DNAH7: variants seen among roughly 807,000 people sequenced by gnomAD.
The protein encoded by DNAH7 is axonemal beta dynein heavy chain 7.
DNAH7 carries 397 observed loss-of-function variants against 444.6 expected under a neutral mutation model. The ratio of observed to expected loss-of-function variants is 0.89; its 90% CI spans 0.82 to 0.97. The LOEUF (loss-of-function observed/expected upper bound fraction) is 0.97, where lower values mean the gene tolerates loss of function less well. DNAH7 is among the 50% of genes least tolerant of loss of function. DNAH7 has a pLI of 0.00. For synonymous variants in DNAH7, 1,636 were observed against 1,624.4 expected (o/e 1.01, Z -0.17); for missense variants, 4,902 against 4,800.8 (o/e 1.02, Z -0.62).
intron 10 of DNAH7, 78 bp downstream of exon 10, chr2:196,012,709 T>C: frequency 6.9e-7 from 1 of 1,448,596 alleles, no homozygotes; most frequent in South Asian, 1.3e-5. Flanking sequence ...TTGGATCTTC[T>C]AAAAGCAGTT....
chr2:195,980,910 G>A (rs1429032342), intron 15 of DNAH7, among the ~76,000 whole-genome samples: 1 of 151,884 alleles, frequency 6.6e-6, no homozygotes, highest in African/African-American at 2.4e-5. Flanking sequence ...GGGAAAAACT[G>A]AAAGCCTTTC....
chr2:195,858,913 G>T, intron 42 of DNAH7, 109 bp from the exon 43 acceptor site: 2 of 868,712 alleles, frequency 2.3e-6, no homozygotes, highest in Non-Finnish European at 1.8e-6. Context: ...CATAACTACG[G>T]AGTGGTCTAA....
At chr2:195,936,413 C>T (rs888768356) in intron 20 of DNAH7, among the ~76,000 whole-genome samples, 186 bp downstream of exon 20, 4 of 151,896 alleles carry the variant, frequency 2.6e-5, no homozygotes, top group South Asian at 2.1e-4. Context: ...AACGATTCCA[C>T]GGTTCATTCA....
Position 195,957,215 on chromosome 2 carries a change from G to A in DNAH7, c.3078+46C>T, listed in dbSNP as rs757094830. On this transcript the variant is annotated intron_variant, in intron 19 of 64. Coordinates refer to ENST00000312428, the MANE Select transcript of DNAH7 (RefSeq NM_018897.3). ...ATGGATTTCTGAAAACAAAAATCAT[G>A]TCACTTCAACCAAATAATGACATTT... The A allele has an allele frequency of 1.7e-5, 24 of 1,404,070 alleles. No individual in the cohort carries two copies. The East Asian group carries it at 5.9e-4, about 34-fold the overall frequency. 87.0% of individuals were successfully genotyped at this position (1,404,070 alleles called of 1,614,324 possible). A position where few individuals can be genotyped will look rare whatever the true frequency, so the allele number is the denominator to read the frequency against.
At chr2:196,034,218 T>C (rs1696240426) in intron 5 of DNAH7, among the ~76,000 whole-genome samples, 1 of 151,986 alleles carries the variant, frequency 6.6e-6, no homozygotes, top group Non-Finnish European at 1.5e-5. Context: ...AAACATAAGG[T>C]CAACAAGCAA....
intron 19 of DNAH7, among the ~76,000 whole-genome samples, chr2:195,941,886 G>T (rs4456724): frequency 2.0e-5 from 3 of 151,944 alleles, no homozygotes; most frequent in African/African-American, 7.3e-5. Context: ...CTAAAATTGA[G>T]TTTTCAGAAG....
chr2:196,035,585 G>A (rs1696333689), intron 5 of DNAH7, among the ~76,000 whole-genome samples: 1 of 152,136 alleles, frequency 6.6e-6, no homozygotes. Context: ...AAAACAGCAA[G>A]TACATAAACA....
intron 64 of DNAH7, among the ~76,000 whole-genome samples, chr2:195,739,978 T>G (rs190972409): frequency 3.9e-5 from 6 of 152,238 alleles, no homozygotes; most frequent in African/African-American, 7.2e-5. Flanking sequence ...CACAGTGCTG[T>G]TTTTTTGTTT....
At chr2:195,765,912 T>C (rs1412808682) in intron 61 of DNAH7, among the ~76,000 whole-genome samples, 1 of 152,072 alleles carries the variant, frequency 6.6e-6, no homozygotes, top group Non-Finnish European at 1.5e-5. Flanking sequence ...ATATTGAAGA[T>C]ATATCTGCAC....
intron 40 of DNAH7, among the ~76,000 whole-genome samples, chr2:195,871,727 C>T (rs1308850777): frequency 2.4e-5 from 2 of 83,944 alleles, no homozygotes; most frequent in Admixed American, 1.0e-4. Context: ...GTCAGGAGAT[C>T]GAGACCATCC....
intron 29 of DNAH7, among the ~76,000 whole-genome samples, chr2:195,896,047 G>A (rs963608806): frequency 6.6e-6 from 1 of 152,174 alleles, no homozygotes; most frequent in Non-Finnish European, 1.5e-5. Flanking sequence ...ATGAACAAAT[G>A]CTTTCATTTC....
intron 61 of DNAH7, among the ~76,000 whole-genome samples, chr2:195,756,562 G>C (rs1207845651): frequency 6.6e-6 from 1 of 152,034 alleles, no homozygotes; most frequent in East Asian, 1.9e-4. Context: ...TGCCCAGGCT[G>C]GAGTGCAGTG....
chr2:195,779,000 C>T (rs1030486558), intron 58 of DNAH7, among the ~76,000 whole-genome samples: 12 of 151,810 alleles, frequency 7.9e-5, no homozygotes, highest in African/African-American at 2.2e-4. Context: ...TGTGCCACCA[C>T]GCCCAGCTAA....
chr2:195,888,809 G>A lies in DNAH7; in HGVS notation c.5219C>T (p.Ser1740Phe), dbSNP rs752938822. Residue 1740 changes from serine to phenylalanine, a missense_variant, in exon 32 of 65, where the codon TCC (serine) becomes TTC (phenylalanine). By Grantham distance (155) the Ser-to-Phe change is radical (BLOSUM62 -2). Coordinates refer to ENST00000312428, the MANE Select transcript of DNAH7 (RefSeq NM_018897.3). ...IFEPMDLEVA[S>F]PATVSRCGMI... Reference sequence around the variant, plus strand: ...AAATGGAGAACTTACAGTGGCAGGGGAAGCAACTTCTAAATCCATTGGCTC... The same window carrying A: ...AAATGGAGAACTTACAGTGGCAGGGAAAGCAACTTCTAAATCCATTGGCTC... 22 of 1,610,802 alleles carry A rather than the reference G, an allele frequency of 1.4e-5. No homozygotes were observed. The highest frequency in any genetic ancestry group is 1.8e-5 in the Non-Finnish European group (21 of 1,178,866).
chr2:195,876,740 T>C lies in DNAH7; in HGVS notation c.5962-41A>G, dbSNP rs548925083. ...ATAAAATGAGCCATAGTTGGAATTA[T>C]GTTTTGACATTTCAGAATAAACACT... On this transcript the variant is annotated intron_variant, in intron 36 of 64. Coordinates refer to ENST00000312428, the MANE Select transcript of DNAH7 (RefSeq NM_018897.3). The C allele has an allele frequency of 2.5e-5, 34 of 1,387,698 alleles. No homozygotes were observed. In the African/African-American group the frequency reaches 4.2e-4, roughly 17 times the overall value. The allele number at this position is 1,387,698 out of a possible 1,614,324, so 86.0% of individuals were successfully genotyped here. A position where few individuals can be genotyped will look rare whatever the true frequency, so the allele number is the denominator to read the frequency against.
At position 195,900,550 on chromosome 2, in the gene DNAH7, T is replaced by C. The variant is rs1326621673; in HGVS notation, c.4336-56A>G. 29 of 1,527,156 alleles carry C rather than the reference T, an allele frequency of 1.9e-5. No individual in the cohort carries two copies. In the East Asian group the frequency reaches 6.3e-4, roughly 33 times the overall value. 94.6% of individuals were successfully genotyped at this position (1,527,156 alleles called of 1,614,324 possible). On this transcript the variant is annotated intron_variant, in intron 27 of 64. Coordinates refer to ENST00000312428, the MANE Select transcript of DNAH7 (RefSeq NM_018897.3). Reference sequence around the variant, plus strand: ...GGATCATCATAAAATAAGCTAGGCATGGAAAGATAAATACCACACGCTCTC... The same window carrying C: ...GGATCATCATAAAATAAGCTAGGCACGGAAAGATAAATACCACACGCTCTC...
chr2:195,786,392 ACAGGC>A (rs1475658494), intron 58 of DNAH7, among the ~76,000 whole-genome samples: 8 of 152,202 alleles, frequency 5.3e-5, no homozygotes, highest in Admixed American at 3.3e-4. Flanking sequence ...CTTCAAAGGT[ACAGGC>A]ATGTCAAAAA....
intron 35 of DNAH7, 93 bp downstream of exon 35, chr2:195,884,492 T>C: frequency 1.2e-6 from 1 of 861,502 alleles, no homozygotes; most frequent in Non-Finnish European, 1.9e-6. Context: ...TAAATAGTGA[T>C]GATGAAGGTG....
intron 47 of DNAH7, among the ~76,000 whole-genome samples, chr2:195,836,892 A>C (rs528388097): frequency 7.1e-4 from 108 of 152,212 alleles, no homozygotes; most frequent in African/African-American, 2.5e-3. Context: ...ATTTGTCCAA[A>C]ATGCACTTCT....
Sources: gnomAD v4.1 joint callset for allele counts (sites outside exome capture counted in the v4.1 genomes callset) on GRCh38, gnomAD v4.1.1 for gene constraint, MANE v1.5 for transcripts, NCBI Gene and HGNC (gene_info 2026-07-23, HGNC 2026-07-21) for gene names.